NAA60: variants seen among roughly 807,000 people sequenced by gnomAD.
The protein encoded by NAA60 is N-alpha-acetyltransferase 60, NatF catalytic subunit.
In NAA60, 8 loss-of-function variants were observed where a neutral mutation model predicts 26.1. The ratio of observed to expected loss-of-function variants is 0.31; its 90% CI spans 0.18 to 0.55. The LOEUF (loss-of-function observed/expected upper bound fraction) is 0.55, where lower values mean the gene tolerates loss of function less well. Ranked by LOEUF, NAA60 falls within the 20% of genes least tolerant of loss-of-function variation. The pLI, the probability that NAA60 is intolerant of heterozygous loss-of-function variation, is 0.93. For synonymous variants in NAA60, 131 were observed against 122.5 expected, an observed-to-expected ratio of 1.07 and a Z score of -0.46; for missense variants, 290 against 311.3, an observed-to-expected ratio of 0.93 and a Z score of 0.51.
chr16:3,466,131 G>A (rs1177606343), intron 2 of NAA60, among the ~76,000 whole-genome samples: 3 of 152,228 alleles, frequency 2.0e-5, no homozygotes, highest in African/African-American at 7.2e-5. Flanking sequence ...TCTCAGCTCC[G>A]CCTTCACCAC....
At chr16:3,461,997 G>A (rs2035428937) in intron 2 of NAA60, among the ~76,000 whole-genome samples, 1 of 149,518 alleles carries the variant, frequency 6.7e-6, no homozygotes, top group South Asian at 2.1e-4. Context: ...TGAGGTGGGA[G>A]GATGGCTTGA....
At chr16:3,446,858 A>G (rs374325309) in intron 1 of NAA60, among the ~76,000 whole-genome samples, 24 of 151,506 alleles carry the variant, frequency 1.6e-4, no homozygotes, top group Non-Finnish European at 3.1e-4. Flanking sequence ...TGATCCGCCC[A>G]TGTCAGCCTC....
chr16:3,456,818 T>C (rs1221597285), intron 2 of NAA60: 4 of 152,102 alleles, frequency 2.6e-5, no homozygotes, highest in Non-Finnish European at 5.9e-5. Flanking sequence ...AGATGGAGTT[T>C]TGCTTTTGTC....
intron 2 of NAA60, among the ~76,000 whole-genome samples, chr16:3,462,086 CAAAAA>C (rs1228233879): frequency 1.3e-5 from 1 of 76,798 alleles, no homozygotes; most frequent in South Asian, 5.2e-4. Flanking sequence ...GACCTTATAT[CAAAAA>C]AAAAAAAAAA....
At chr16:3,471,874 T>C (rs2036170526) in intron 2 of NAA60, among the ~76,000 whole-genome samples, 2 of 152,096 alleles carry the variant, frequency 1.3e-5, no homozygotes, top group Non-Finnish European at 1.5e-5. Flanking sequence ...CTGGGGCCCT[T>C]GTGTCAGGAG....
chr16:3,461,548 G>A (rs754932718), intron 2 of NAA60, among the ~76,000 whole-genome samples: 1 of 152,190 alleles, frequency 6.6e-6, no homozygotes, highest in Admixed American at 6.5e-5. Context: ...GCTTAGAGAT[G>A]TTGCAATGTC....
chr16:3,458,565 AT>A, intron 2 of NAA60, among the ~76,000 whole-genome samples: 1 of 152,154 alleles, frequency 6.6e-6, no homozygotes, highest in Middle Eastern at 3.4e-3. Flanking sequence ...GGGCCAGGCC[AT>A]TTCCGTCGGG....
At chr16:3,479,432 A>G in intron 3 of NAA60, 39 bp from the exon 4 acceptor site, 1 of 1,607,846 alleles carries the variant, frequency 6.2e-7, no homozygotes, top group Non-Finnish European at 8.5e-7. Context: ...GTTGGACTTG[A>G]CCTGTGGCAG....
intron 2 of NAA60, chr16:3,472,109 G>C (rs1159272630): frequency 6.6e-6 from 1 of 152,232 alleles, no homozygotes; most frequent in African/African-American, 2.4e-5. Context: ...TTTGCGTTTT[G>C]AGACCTCAGT....
At chr16:3,480,777 T>A (rs1416064923) in intron 4 of NAA60, among the ~76,000 whole-genome samples, 16 of 152,030 alleles carry the variant, frequency 1.1e-4, no homozygotes, top group Non-Finnish European at 2.2e-4. Context: ...ATGATGGCGC[T>A]TGCCTTTAAT....
chr16:3,469,234 A>G (rs2035964872), intron 2 of NAA60, among the ~76,000 whole-genome samples: 1 of 135,832 alleles, frequency 7.4e-6, no homozygotes, highest in African/African-American at 2.7e-5. Context: ...CTATCCCCCC[A>G]GCACTGCCCT....
intron 1 of NAA60, among the ~76,000 whole-genome samples, chr16:3,444,537 C>T (rs1014561435): frequency 1.3e-5 from 2 of 152,130 alleles, no homozygotes; most frequent in African/African-American, 2.4e-5. Context: ...CAGGCACATT[C>T]CTGTATCTAA....
At chr16:3,455,495 C>T (rs896588911) in intron 2 of NAA60, among the ~76,000 whole-genome samples, 11 of 145,168 alleles carry the variant, frequency 7.6e-5, no homozygotes, top group Admixed American at 2.8e-4. Flanking sequence ...CCTGGGTTCA[C>T]GCCATTCTCC....
At chr16:3,450,452 G>C (rs528985598) in intron 2 of NAA60, among the ~76,000 whole-genome samples, 3 of 152,302 alleles carry the variant, frequency 2.0e-5, no homozygotes, top group Admixed American at 1.3e-4. Context: ...TGTAATCCCA[G>C]CACTTTGGGA....
At chr16:3,449,697 T>A (rs2150945823) in intron 2 of NAA60, among the ~76,000 whole-genome samples, 1 of 152,212 alleles carries the variant, frequency 6.6e-6, no homozygotes, top group South Asian at 2.1e-4. Context: ...ATGGTTTGGC[T>A]GTGTCCCCAC....
rs981418427 is a variant in NAA60, at chr16:3,443,831, A to G, written c.-83A>G. ...ACCGGAACTCGAAAGAAAATCGGTA[A>G]CAAAATGTGGGTTCGGCCAACAGTG... On this transcript the variant is annotated 5_prime_UTR_variant, in exon 1 of 8. Coordinates refer to ENST00000407558, the MANE Select transcript of NAA60 (RefSeq NM_001083601.3). 3.3e-6 allele frequency: 5 copies of G among 1,534,578 alleles called. No homozygotes were observed. Among genetic ancestry groups the G allele is most frequent in the Non-Finnish European group, 4.4e-6 (5 of 1,146,350 alleles).
intron 1 of NAA60, 98 bp downstream of exon 1, chr16:3,443,935 G>T (rs781056637): frequency 7.0e-7 from 1 of 1,434,960 alleles, no homozygotes; most frequent in Non-Finnish European, 9.1e-7. Context: ...CTGGGCTTGA[G>T]CTGTCCTTTG....
intron 3 of NAA60, among the ~76,000 whole-genome samples, chr16:3,477,811 A>G (rs1048370131): frequency 3.9e-5 from 6 of 152,128 alleles, no homozygotes; most frequent in Non-Finnish European, 5.9e-5. Flanking sequence ...CACGCCTGTA[A>G]TCCCAGCACT....
chr16:3,478,657 C>G (rs79356279), intron 3 of NAA60, among the ~76,000 whole-genome samples: 1 of 152,150 alleles, frequency 6.6e-6, no homozygotes, highest in African/African-American at 2.4e-5. Context: ...GATGAGCAGC[C>G]GTTAGCAGCC....
Sources: gnomAD v4.1 joint callset for allele counts (sites outside exome capture counted in the v4.1 genomes callset) on GRCh38, gnomAD v4.1.1 for gene constraint, MANE v1.5 for transcripts, NCBI Gene and HGNC (gene_info 2026-07-23, HGNC 2026-07-21) for gene names.